SLC12A6: variants seen among roughly 807,000 people sequenced by gnomAD.
SLC12A6 encodes solute carrier family 12 member 6.
SLC12A6 carries 66 observed loss-of-function variants against 135.3 expected under a neutral mutation model. The ratio of observed to expected loss-of-function variants is 0.49; its 90% CI spans 0.40 to 0.60. The LOEUF (loss-of-function observed/expected upper bound fraction) is 0.60, where lower values mean the gene tolerates loss of function less well. Ranked by LOEUF, SLC12A6 falls within the 20% of genes least tolerant of loss-of-function variation. SLC12A6 has a pLI of 0.00. For synonymous variants in SLC12A6, 513 were observed against 508.8 expected (o/e 1.01, Z -0.11); for missense variants, 1,058 against 1,452.3 (o/e 0.73, Z 4.41).
Position 34,240,709 on chromosome 15 carries a change from G to C in SLC12A6, c.2388C>G (p.Ile796Met). 1 of 1,614,024 alleles carries C rather than the reference G, an allele frequency of 6.2e-7. No homozygotes were observed. The highest frequency in any genetic ancestry group is 8.5e-7 in the Non-Finnish European group (1 of 1,179,918). Residue 796 changes from isoleucine (I) to methionine (M), a missense_variant, in exon 19 of 26, where the codon ATC (isoleucine) becomes ATG (methionine). Ile to Met is a conservative substitution (Grantham distance 10, BLOSUM62 1). This residue lies in a region of SLC12A6 where 31 missense variants were observed against 24.3 expected (regional missense o/e 1.28). Coordinates refer to ENST00000354181, the MANE Select transcript of SLC12A6 (RefSeq NM_001365088.1). Reference protein sequence around the residue: ...GKGLTIVGSVIVGNFLENYGE... With the variant: ...GKGLTIVGSVMVGNFLENYGE... Reference sequence around the variant, plus strand: ...CGTAGTTCTCTAGGAAGTTCCCCACGATGACAGAGCCCACAATAGTGAGAC... The same window carrying C: ...CGTAGTTCTCTAGGAAGTTCCCCACCATGACAGAGCCCACAATAGTGAGAC...
intron 13 of SLC12A6, among the ~76,000 whole-genome samples, chr15:34,248,551 CATAT>C (rs1186966288): frequency 9.8e-6 from 1 of 102,502 alleles, no homozygotes; most frequent in Non-Finnish European, 2.0e-5. Context: ...TATATACATA[CATAT>C]ATACACCCCC....
chr15:34,300,357 C>T (rs1302530781), intron 2 of SLC12A6, among the ~76,000 whole-genome samples: 1 of 152,106 alleles, frequency 6.6e-6, no homozygotes, highest in African/African-American at 2.4e-5. Flanking sequence ...AGAAGGGAAG[C>T]TAACTAGAAT....
chr15:34,320,866 G>A (rs545280533), intron 2 of SLC12A6, among the ~76,000 whole-genome samples: 193 of 151,706 alleles, frequency 1.3e-3, no homozygotes, highest in African/African-American at 4.3e-3. Flanking sequence ...CCAAGATCAC[G>A]TCACTGTACT....
chr15:34,239,095 C>T lies in SLC12A6; in HGVS notation c.2502G>A (p.Lys834=). The change falls in exon 20 of 26, where the codon AAG becomes AAA. Residue 834 remains lysine, a synonymous_variant. Coordinates refer to ENST00000354181, the MANE Select transcript of SLC12A6 (RefSeq NM_001365088.1). ...KGFCQLVVAA[K]LREGISHLIQ... is the part of the protein sequence containing the mutation. ...TGAGGTGGGAAATGCCCTCTCTCAGCTTGGCGGCCACCACCAGCTGGCAGA... is the reference window on the plus strand; with the variant it reads ...TGAGGTGGGAAATGCCCTCTCTCAGTTTGGCGGCCACCACCAGCTGGCAGA... The T allele has an allele frequency of 6.2e-7, 1 of 1,614,136 alleles. No homozygotes were observed. Among genetic ancestry groups the T allele is most frequent in the Admixed American group, 1.7e-5 (1 of 60,020 alleles).
At chr15:34,322,322 G>T (rs911271305) in intron 2 of SLC12A6, among the ~76,000 whole-genome samples, 2 of 151,852 alleles carry the variant, frequency 1.3e-5, no homozygotes, top group South Asian at 2.1e-4. Flanking sequence ...CAGAGGTTGC[G>T]GTGAGCCGGG....
intron 2 of SLC12A6, among the ~76,000 whole-genome samples, chr15:34,310,073 A>G (rs1416766199): frequency 6.6e-6 from 1 of 151,264 alleles, no homozygotes; most frequent in African/African-American, 2.4e-5. Context: ...CAGTGGCATG[A>G]TAACGGATTA....
chr15:34,325,310 TA>T (rs1889389286), intron 2 of SLC12A6, among the ~76,000 whole-genome samples: 1 of 152,134 alleles, frequency 6.6e-6, no homozygotes, highest in South Asian at 2.1e-4. Context: ...GTGAAAAATA[TA>T]AAAAAGATCA....
chr15:34,305,759 ATT>A (rs1161853179), intron 2 of SLC12A6, among the ~76,000 whole-genome samples: 25 of 139,272 alleles, frequency 1.8e-4, no homozygotes, highest in African/African-American at 3.4e-4. Context: ...CTCCTCCAGC[ATT>A]TTTTTTTTTT....
chr15:34,255,277 G>A lies in SLC12A6; in HGVS notation c.861C>T (p.Ala287=), dbSNP rs760276522. The A allele has an allele frequency of 3.4e-5, 54 of 1,608,396 alleles. No homozygotes were observed. In the South Asian group the frequency reaches 5.2e-4, roughly 15 times the overall value. The change falls in exon 8 of 26, where the codon GCC becomes GCT. Residue 287 remains alanine, a synonymous_variant. Coordinates refer to ENST00000354181, the MANE Select transcript of SLC12A6 (RefSeq NM_001365088.1). ...CATTACTTACCAGAAAGATTTCAATGGCACCAAGGATGTACATGGCTGCTG... is the reference window on the plus strand; with the variant it reads ...CATTACTTACCAGAAAGATTTCAATAGCACCAAGGATGTACATGGCTGCTG... ...TFAAAMYILG[A]IEIFLVYIVP...
intron 2 of SLC12A6, among the ~76,000 whole-genome samples, chr15:34,292,389 A>G (rs1448495186): frequency 3.9e-5 from 6 of 151,996 alleles, no homozygotes; most frequent in African/African-American, 1.5e-4. Flanking sequence ...ACCTGCTTGT[A>G]TGAGGTGTCT....
chr15:34,275,291 T>A, intron 3 of SLC12A6, 54 bp downstream of exon 3: 1 of 885,358 alleles, frequency 1.1e-6, no homozygotes. Flanking sequence ...TCTGTTAGGA[T>A]AAATGAGTTA....
rs144158165 is a variant in SLC12A6, at chr15:34,285,717, T to TATACACACACACACACACA, written c.272-10329_272-10328insTGTGTGTGTGTGTGTGTAT. Among the ~76,000 whole-genome samples, 306 of 131,108 alleles carry TATACACACACACACACACA rather than the reference T, an allele frequency of 2.3e-3. 4 individuals are homozygous for TATACACACACACACACACA. The East Asian group carries it at 0.059, about 25-fold the overall frequency. 86.0% of individuals were successfully genotyped at this position (131,108 alleles called of 152,430 possible). A position where few individuals can be genotyped will look rare whatever the true frequency, so the allele number is the denominator to read the frequency against. ...ATGTGTGTGTGTGTGTGTGTGTTTG[T>TATACACACACACACACACA]CATACATAAAATGGAATATTATTCA... is the stretch of plus-strand genomic sequence containing the variant. On this transcript the variant is annotated intron_variant, in intron 2 of 25. Coordinates refer to ENST00000354181, the MANE Select transcript of SLC12A6 (RefSeq NM_001365088.1).
At chr15:34,236,221 A>T in intron 23 of SLC12A6, 22 bp from the exon 24 acceptor site, 1 of 1,596,340 alleles carries the variant, frequency 6.3e-7, no homozygotes, top group South Asian at 1.1e-5. Context: ...GGTCCAACAC[A>T]AGTTATTCTA....
intron 16 of SLC12A6, 75 bp downstream of exon 16, chr15:34,243,899 G>C: frequency 1.1e-6 from 1 of 910,960 alleles, no homozygotes. Flanking sequence ...CGAGAACCCA[G>C]ACTCTCCTAG....
chr15:34,253,080 A>G (rs923782977), intron 9 of SLC12A6, among the ~76,000 whole-genome samples: 7 of 152,226 alleles, frequency 4.6e-5, no homozygotes, highest in African/African-American at 1.2e-4. Context: ...TCTTTAACCC[A>G]GAGACACAAA....
At chr15:34,295,537 G>A (rs758494783) in intron 2 of SLC12A6, among the ~76,000 whole-genome samples, 13 of 152,156 alleles carry the variant, frequency 8.5e-5, no homozygotes, top group Non-Finnish European at 1.6e-4. Flanking sequence ...TAAACATTTT[G>A]TAGTACAATA....
At chr15:34,235,903 T>A (rs572445360) in intron 24 of SLC12A6, 112 bp downstream of exon 24, 1 of 847,962 alleles carries the variant, frequency 1.2e-6, no homozygotes, top group Admixed American at 1.7e-5. Flanking sequence ...AATAATGAGG[T>A]GGCTAGATTC....
chr15:34,236,209 A>C lies in SLC12A6; in HGVS notation c.3043-10T>G. On this transcript the variant is annotated splice_polypyrimidine_tract_variant and intron_variant, in intron 23 of 25. Coordinates refer to ENST00000354181, the MANE Select transcript of SLC12A6 (RefSeq NM_001365088.1). ...CTTTCACCAATTGTGCCTGAGGAAG[A>C]AGGTCCAACACAAGTTATTCTACCA... is the stretch of plus-strand genomic sequence containing the variant. The C allele has an allele frequency of 1.2e-6, 2 of 1,610,010 alleles. No individual in the cohort carries two copies. The highest frequency in any genetic ancestry group is 2.2e-5 in the South Asian group (2 of 90,958).
intron 3 of SLC12A6, among the ~76,000 whole-genome samples, chr15:34,267,232 C>CT (rs200515787): frequency 4.5e-4 from 63 of 139,340 alleles, no homozygotes; most frequent in Non-Finnish European, 4.6e-4. Context: ...CCAGTAGTCT[C>CT]TTTTTAAAAA....
Sources: gnomAD v4.1 joint callset for allele counts (sites outside exome capture counted in the v4.1 genomes callset) on GRCh38, gnomAD v4.1.1 for gene constraint, gnomAD v4.1.1 regional missense constraint, MANE v1.5 for transcripts, NCBI Gene and HGNC (gene_info 2026-07-23, HGNC 2026-07-21) for gene names.